Variants in NTN1 observed in about 807,000 individuals in gnomAD.
NTN1 encodes netrin-1.
NTN1 carries 11 observed loss-of-function variants against 54.2 expected under a neutral mutation model. The ratio of observed to expected loss-of-function variants is 0.20; its 90% CI spans 0.13 to 0.34. NTN1 has a LOEUF of 0.34. Ranked by LOEUF, NTN1 falls within the 10% of genes least tolerant of loss-of-function variation. The probability of loss-of-function intolerance (pLI) is 1.00; values close to 1 mark genes in which losing one functional copy is unlikely to be tolerated. For missense variants in NTN1, 740 were observed against 893.1 expected, an observed-to-expected ratio of 0.83 and a Z score of 2.18; for synonymous variants, 371 against 382.0, an observed-to-expected ratio of 0.97 and a Z score of 0.33.
chr17:9,038,221 G>C (rs72809946), intron 2 of NTN1, among the ~76,000 whole-genome samples: 11 of 46,496 alleles, frequency 2.4e-4, no homozygotes, highest in South Asian at 6.3e-4. Flanking sequence ...CTCTCTCTCT[G>C]TGTCTCTCTC....
intron 5 of NTN1, among the ~76,000 whole-genome samples, chr17:9,197,866 C>CTAAAGGATTAGGAAGT (rs1164243137): frequency 6.6e-5 from 10 of 152,148 alleles, no homozygotes; most frequent in Non-Finnish European, 1.0e-4. Flanking sequence ...GGAAGTTGCA[C>CTAAAGGATTAGGAAGT]TTCAGCATCT....
intron 3 of NTN1, among the ~76,000 whole-genome samples, chr17:9,170,615 C>T (rs539500241): frequency 4.6e-5 from 7 of 152,250 alleles, no homozygotes; most frequent in African/African-American, 1.4e-4. Context: ...GAGATGTGCC[C>T]AGCAGCTGCT....
chr17:9,036,471 C>T (rs369536803), intron 2 of NTN1, among the ~76,000 whole-genome samples: 1 of 148,492 alleles, frequency 6.7e-6, no homozygotes, highest in Non-Finnish European at 1.5e-5. Flanking sequence ...TCACGTCTCA[C>T]TGCAGCCTTG....
chr17:9,150,429 A>G (rs1428345098), intron 2 of NTN1, among the ~76,000 whole-genome samples: 1 of 152,186 alleles, frequency 6.6e-6, no homozygotes, highest in African/African-American at 2.4e-5. Context: ...AGAGTTGTGC[A>G]TGGCACATAG....
intron 2 of NTN1, among the ~76,000 whole-genome samples, chr17:9,087,459 G>A (rs139933725): frequency 2.0e-5 from 3 of 152,344 alleles, no homozygotes; most frequent in Admixed American, 2.0e-4. Flanking sequence ...CAGGAAGACC[G>A]TATTGAAAGG....
At chr17:9,117,188 G>A (rs1000957619) in intron 2 of NTN1, among the ~76,000 whole-genome samples, 63 of 152,236 alleles carry the variant, frequency 4.1e-4, no homozygotes, top group Admixed American at 3.3e-3. Context: ...AGAGAAAGCC[G>A]AGAGACAGGG....
intron 2 of NTN1, among the ~76,000 whole-genome samples, chr17:9,054,730 T>C (rs1388767569): frequency 3.3e-5 from 5 of 151,624 alleles, no homozygotes; most frequent in African/African-American, 9.7e-5. Context: ...GACGAGGGGC[T>C]ATGTTTCAGC....
chr17:9,174,167 T>C (rs1378138718), intron 3 of NTN1: 1 of 152,290 alleles, frequency 6.6e-6, no homozygotes, highest in East Asian at 1.9e-4. Flanking sequence ...GCAGGGGCTC[T>C]AAAGATCATG....
At chr17:9,181,736 G>T (rs7216326) in intron 4 of NTN1, among the ~76,000 whole-genome samples, 1 of 152,006 alleles carries the variant, frequency 6.6e-6, no homozygotes, top group East Asian at 1.9e-4. Context: ...GAGTTTTACC[G>T]CAAAGAATCA....
At chr17:9,234,167 G>A (rs1031328640) in intron 6 of NTN1, among the ~76,000 whole-genome samples, 3 of 152,194 alleles carry the variant, frequency 2.0e-5, no homozygotes, top group African/African-American at 4.8e-5. Context: ...TAGGCAGGGC[G>A]GCAGGTGTGG....
At chr17:9,033,898 C>G (rs1422625367) in intron 2 of NTN1, among the ~76,000 whole-genome samples, 1 of 94,772 alleles carries the variant, frequency 1.1e-5, no homozygotes, top group East Asian at 3.0e-4. Context: ...GCCTGGGCAA[C>G]AAGAGCGAAA....
At chr17:9,105,797 A>G (rs147803006) in intron 2 of NTN1, among the ~76,000 whole-genome samples, 1 of 152,058 alleles carries the variant, frequency 6.6e-6, no homozygotes, top group East Asian at 1.9e-4. Context: ...CCCTCCCCCA[A>G]GTCCCCCAAA....
chr17:9,163,790 C>T (rs1283705886), intron 3 of NTN1, among the ~76,000 whole-genome samples: 1 of 151,728 alleles, frequency 6.6e-6, no homozygotes, highest in African/African-American at 2.4e-5. Flanking sequence ...GAAGCGGGGC[C>T]CCCCCCACCC....
chr17:9,065,165 G>A (rs2092011112), intron 2 of NTN1, among the ~76,000 whole-genome samples: 1 of 152,176 alleles, frequency 6.6e-6, no homozygotes, highest in Non-Finnish European at 1.5e-5. Flanking sequence ...TCGAACTCCT[G>A]ACCTCAGGTG....
At chr17:9,057,497 C>G (rs1158360989) in intron 2 of NTN1, among the ~76,000 whole-genome samples, 1 of 152,138 alleles carries the variant, frequency 6.6e-6, no homozygotes, top group African/African-American at 2.4e-5. Flanking sequence ...TGTGACCTGC[C>G]TGCCTCTTGG....
At chr17:9,034,124 A>G (rs1024067409) in intron 2 of NTN1, among the ~76,000 whole-genome samples, 1 of 152,024 alleles carries the variant, frequency 6.6e-6, no homozygotes, top group Admixed American at 6.5e-5. Context: ...GACTTGGGTA[A>G]ATTAAGCTGT....
intron 2 of NTN1, among the ~76,000 whole-genome samples, chr17:9,110,792 C>G (rs1025047383): frequency 2.6e-5 from 4 of 152,142 alleles, no homozygotes; most frequent in African/African-American, 9.7e-5. Context: ...GCTGGCAACC[C>G]GTAGCATTCT....
intron 2 of NTN1, among the ~76,000 whole-genome samples, chr17:9,023,696 C>T (rs1433434815): frequency 6.6e-6 from 1 of 152,248 alleles, no homozygotes; most frequent in Non-Finnish European, 1.5e-5. Context: ...CAAACGCAAA[C>T]ATTCATTGCC....
intron 2 of NTN1, among the ~76,000 whole-genome samples, chr17:9,061,764 C>T (rs1396748496): frequency 1.3e-5 from 2 of 152,036 alleles, no homozygotes; most frequent in Non-Finnish European, 2.9e-5. Flanking sequence ...AGTCCAGTGG[C>T]GTGGTCTTGG....
Sources: gnomAD v4.1 joint callset for allele counts (sites outside exome capture counted in the v4.1 genomes callset) on GRCh38, gnomAD v4.1.1 for gene constraint, MANE v1.5 for transcripts, NCBI Gene and HGNC (gene_info 2026-07-23, HGNC 2026-07-21) for gene names.